Variants in COL19A1 observed in about 807,000 individuals in gnomAD.
COL19A1 encodes collagen alpha-1(XIX) chain.
In COL19A1, 159 loss-of-function variants were observed where a neutral mutation model predicts 190.2. The ratio of observed to expected loss-of-function variants is 0.84; its 90% CI spans 0.73 to 0.95. COL19A1 has a LOEUF of 0.95. COL19A1 is among the 40% of genes least tolerant of loss of function. COL19A1 has a pLI of 0.00. For missense variants in COL19A1, 1,418 were observed against 1,431.9 expected (o/e 0.99, Z 0.16); for synonymous variants, 509 against 458.9 (o/e 1.11, Z -1.39).
chr6:70,142,655 G>T (rs951746218), intron 22 of COL19A1, 112 bp from the exon 23 acceptor site: 4 of 839,928 alleles, frequency 4.8e-6, no homozygotes, highest in Non-Finnish European at 7.4e-6. Flanking sequence ...ATGGTGGAAA[G>T]TTGGTCTTCC....
intron 11 of COL19A1, among the ~76,000 whole-genome samples, chr6:69,989,553 CTTTT>C (rs3072698): frequency 4.0e-5 from 5 of 126,314 alleles, no homozygotes; most frequent in African/African-American, 6.4e-5. Flanking sequence ...GAGTTTTTTA[CTTTT>C]TTTTTTTTTT....
chr6:69,867,216 T>C (rs2185548), intron 1 of COL19A1, among the ~76,000 whole-genome samples: 104,444 of 151,788 alleles, frequency 0.69, 35,893 homozygotes, highest in Middle Eastern at 0.75. Context: ...ACTCCACATG[T>C]GGGTGTTTTT....
Position 70,188,248 on chromosome 6 carries a change from A to G in COL19A1, c.3027+3A>G. Reference sequence around the variant, plus strand: ...CTCCAGGCATCCCTGGCATTCCGGTAAGTAGTGCTAAGACGCTTTAGGGCT... The same window carrying G: ...CTCCAGGCATCCCTGGCATTCCGGTGAGTAGTGCTAAGACGCTTTAGGGCT... On this transcript the variant is annotated splice_donor_region_variant and intron_variant, in intron 47 of 50. Coordinates refer to ENST00000620364, the MANE Select transcript of COL19A1 (RefSeq NM_001858.6). 1 of 1,605,714 alleles carries G rather than the reference A, an allele frequency of 6.2e-7. No homozygotes were observed. Among genetic ancestry groups the G allele is most frequent in the Non-Finnish European group, 8.5e-7 (1 of 1,177,440 alleles).
rs1767999193 is a variant in COL19A1 at position 70,208,007 on chromosome 6, G to A, written c.*733G>A. The A allele has an allele frequency of 6.6e-6, 1 of 152,136 alleles. No individual in the cohort carries two copies. The highest frequency in any genetic ancestry group is 2.1e-4 in the South Asian group (1 of 4,822). 9.4% of individuals were successfully genotyped at this position (152,136 alleles called of 1,614,324 possible). A position where few individuals can be genotyped will look rare whatever the true frequency, so the allele number is the denominator to read the frequency against. On this transcript the variant is annotated 3_prime_UTR_variant, in exon 51 of 51. Coordinates refer to ENST00000620364, the MANE Select transcript of COL19A1 (RefSeq NM_001858.6). ...TGAATAAGTACTGCATGAAAAGGGA[G>A]TATCAAATTCCAGTTTTGTATGAGT...
rs539003434 is a variant in COL19A1 at position 70,180,547 on chromosome 6, A to T, written c.2775+24A>T. 330 of 1,610,418 alleles carry T rather than the reference A, an allele frequency of 2.0e-4. 2 individuals carry two copies. The South Asian group carries it at 2.2e-3, about 11-fold the overall frequency. ...CAGTAAGTACTTCTTACTACTTAAAATATGCCACCTAGAGAAATGCTCTAA... is the reference window on the plus strand; with the variant it reads ...CAGTAAGTACTTCTTACTACTTAAATTATGCCACCTAGAGAAATGCTCTAA... On this transcript the variant is annotated intron_variant, in intron 44 of 50. Transcript: ENST00000620364.
rs780563680 is a variant in COL19A1, at chr6:70,156,267, G to A, written c.2184+36G>A. ...TGGCTGAATGTTTACGATCCCTGTG[G>A]GTTACATGTAGTGCATCCTCTCAGT... On this transcript the variant is annotated intron_variant, in intron 32 of 50. Transcript: ENST00000620364. The A allele has an allele frequency of 3.7e-6, 6 of 1,613,070 alleles. No individual in the cohort carries two copies. The South Asian group carries it at 6.6e-5, about 18-fold the overall frequency.
At chr6:70,001,424 A>G (rs1394972261) in intron 11 of COL19A1, among the ~76,000 whole-genome samples, 1 of 152,198 alleles carries the variant, frequency 6.6e-6, no homozygotes, top group Non-Finnish European at 1.5e-5. Flanking sequence ...TGGTAGTTTG[A>G]TAGGAATAGC....
intron 46 of COL19A1, among the ~76,000 whole-genome samples, chr6:70,185,942 T>C (rs1397300558): frequency 6.6e-6 from 1 of 152,202 alleles, no homozygotes; most frequent in Non-Finnish European, 1.5e-5. Context: ...AGATAAGCAC[T>C]GTGATATTTG....
intron 11 of COL19A1, among the ~76,000 whole-genome samples, chr6:69,967,821 G>C (rs998337220): frequency 6.6e-6 from 1 of 151,990 alleles, no homozygotes; most frequent in Admixed American, 6.5e-5. Flanking sequence ...CCACAGACCC[G>C]TATTCTTAGT....
At chr6:70,190,157 C>T (rs982411215) in intron 47 of COL19A1, among the ~76,000 whole-genome samples, 158 bp from the exon 48 acceptor site, 1 of 152,154 alleles carries the variant, frequency 6.6e-6, no homozygotes, top group Non-Finnish European at 1.5e-5. Context: ...GTCAAAGCAA[C>T]AGATATTTAT....
In COL19A1 at chr6:70,210,947, C is replaced by A. The variant is rs1768158525; in HGVS notation, c.*3673C>A. ...TGTACTTATACACTTAGTTAACATG[C>A]AGATTAACTAGTCATAACTGTTTAT... On this transcript the variant is annotated 3_prime_UTR_variant, in exon 51 of 51. Transcript: ENST00000620364. Among the ~76,000 whole-genome samples, 1 of 152,060 alleles carries A rather than the reference C, an allele frequency of 6.6e-6. No individual in the cohort carries two copies. Among genetic ancestry groups the A allele is most frequent in the South Asian group, 2.1e-4 (1 of 4,824 alleles).
chr6:70,204,762 AT>A (rs1345749193), intron 49 of COL19A1, among the ~76,000 whole-genome samples: 1 of 152,132 alleles, frequency 6.6e-6, no homozygotes, highest in African/African-American at 2.4e-5. Flanking sequence ...TCTTCCTCAT[AT>A]TTTTAGCCTG....
intron 3 of COL19A1, 70 bp from the exon 4 acceptor site, chr6:69,900,169 C>T (rs1035416744): frequency 5.9e-6 from 6 of 1,018,110 alleles, no homozygotes; most frequent in Non-Finnish European, 8.4e-6. Context: ...ATAAGGGCAA[C>T]ACAAAATTCT....
At chr6:70,199,842 T>C in intron 49 of COL19A1, 106 bp downstream of exon 49, 1 of 999,630 alleles carries the variant, frequency 1.0e-6, no homozygotes, top group Non-Finnish European at 1.4e-6. Context: ...CCTTTATTTA[T>C]ACATTACATA....
chr6:70,200,157 C>T (rs555771884), intron 49 of COL19A1, among the ~76,000 whole-genome samples: 12 of 152,200 alleles, frequency 7.9e-5, no homozygotes, highest in Admixed American at 2.0e-4. Context: ...GGTGACTCAA[C>T]GACAAATAGT....
At chr6:69,917,584 G>C (rs1041258860) in intron 4 of COL19A1, among the ~76,000 whole-genome samples, 1 of 152,194 alleles carries the variant, frequency 6.6e-6, no homozygotes. Flanking sequence ...TTCTTAAAAA[G>C]TCAGGTAGGC....
intron 41 of COL19A1, 115 bp from the exon 42 acceptor site, chr6:70,176,405 C>T: frequency 9.7e-7 from 1 of 1,030,246 alleles, no homozygotes; most frequent in Non-Finnish European, 1.4e-6. Context: ...ATCAATAACA[C>T]TTATCAGATC....
intron 4 of COL19A1, among the ~76,000 whole-genome samples, chr6:69,902,490 C>T (rs1402991528): frequency 6.6e-6 from 1 of 152,158 alleles, no homozygotes; most frequent in African/African-American, 2.4e-5. Flanking sequence ...AGGGGCCTTC[C>T]AGATAGACAT....
intron 18 of COL19A1, among the ~76,000 whole-genome samples, chr6:70,131,571 C>T (rs963272648): frequency 6.6e-6 from 1 of 152,152 alleles, no homozygotes; most frequent in East Asian, 1.9e-4. Context: ...AGTACATTAA[C>T]ATTATTTCCT....
Sources: gnomAD v4.1 joint callset for allele counts (sites outside exome capture counted in the v4.1 genomes callset) on GRCh38, gnomAD v4.1.1 for gene constraint, MANE v1.5 for transcripts, NCBI Gene and HGNC (gene_info 2026-07-23, HGNC 2026-07-21) for gene names.